SLC12A2: variants seen among roughly 807,000 people sequenced by gnomAD.
SLC12A2 encodes Na-K-2Cl cotransporter 1.
Under a neutral mutation model 136.3 loss-of-function variants are expected in SLC12A2, and 67 were observed. That is an observed-to-expected ratio of 0.49 (90% confidence interval 0.40 to 0.60). The LOEUF (loss-of-function observed/expected upper bound fraction) is 0.60, where lower values mean the gene tolerates loss of function less well. Among genes scored for constraint, SLC12A2 ranks in the 20% least tolerant of loss-of-function variants. The pLI, the probability that SLC12A2 is intolerant of heterozygous loss-of-function variation, is 0.00. For missense variants in SLC12A2, 1,322 were observed against 1,534.7 expected (o/e 0.86, Z 2.32); for synonymous variants, 619 against 562.9 (o/e 1.10, Z -1.41).
chr5:128,143,380 G>T (rs1427906558), intron 10 of SLC12A2, among the ~76,000 whole-genome samples: 2 of 152,130 alleles, frequency 1.3e-5, no homozygotes, highest in South Asian at 4.1e-4. Context: ...TTTAACAACA[G>T]AATTTAATTC....
chr5:128,153,478 C>T (rs1762772022), intron 15 of SLC12A2, among the ~76,000 whole-genome samples: 2 of 152,252 alleles, frequency 1.3e-5, no homozygotes, highest in South Asian at 4.1e-4. Flanking sequence ...TGGCTCGAAC[C>T]CAGGAGGCGG....
chr5:128,168,128 A>G, intron 18 of SLC12A2: 1 of 236,910 alleles, frequency 4.2e-6, no homozygotes, highest in East Asian at 8.8e-5. Flanking sequence ...GTATATATGT[A>G]TACACTCTGG....
At chr5:128,112,108 A>G (rs1021511839) in intron 1 of SLC12A2, among the ~76,000 whole-genome samples, 10 of 152,190 alleles carry the variant, frequency 6.6e-5, no homozygotes, top group African/African-American at 2.4e-4. Context: ...ATTGGGATAG[A>G]ACAAAACTCA....
chr5:128,094,454 T>C (rs910844665), intron 1 of SLC12A2, among the ~76,000 whole-genome samples: 2 of 151,998 alleles, frequency 1.3e-5, no homozygotes, highest in Non-Finnish European at 2.9e-5. Context: ...AGAGCTAGCA[T>C]TGGAAATTGG....
In SLC12A2 at chr5:128,085,117, G is replaced by C. The variant is rs190664287; in HGVS notation, c.756+407G>C. Among the ~76,000 whole-genome samples the C allele has an allele frequency of 4.3e-3, 660 of 151,964 alleles. 4 individuals are homozygous for C. The highest frequency in any genetic ancestry group is 0.017 in the Middle Eastern group (5 of 294). On this transcript the variant is annotated intron_variant, in intron 1 of 26. Coordinates refer to ENST00000262461, the MANE Select transcript of SLC12A2 (RefSeq NM_001046.3). ...ACCATCTGTGTCGTTTTGAAAGATT[G>C]TGTTGTGTGGCTTATGTACGCCTAT...
At chr5:128,108,452 A>T (rs1162785428) in intron 1 of SLC12A2, among the ~76,000 whole-genome samples, 1 of 152,272 alleles carries the variant, frequency 6.6e-6, no homozygotes, top group Non-Finnish European at 1.5e-5. Context: ...CATACTATGG[A>T]ATATTATCTG....
chr5:128,146,355 T>A (rs1762525870), intron 10 of SLC12A2, among the ~76,000 whole-genome samples: 1 of 151,776 alleles, frequency 6.6e-6, no homozygotes, highest in Non-Finnish European at 1.5e-5. Flanking sequence ...TGATCTAGGG[T>A]CACACATGGC....
At chr5:128,142,268 A>G (rs1762393333) in intron 10 of SLC12A2, among the ~76,000 whole-genome samples, 1 of 152,078 alleles carries the variant, frequency 6.6e-6, no homozygotes, top group Admixed American at 6.6e-5. Context: ...ACACCCGGCT[A>G]ATTTTTGTAT....
chr5:128,083,977 C>A lies in SLC12A2; in HGVS notation c.23C>A (p.Pro8His), dbSNP rs1262237079. 8.1e-7 allele frequency: 1 copy of A among 1,241,714 alleles called. No individual in the cohort carries two copies. The highest frequency in any genetic ancestry group is 1.0e-6 in the Non-Finnish European group (1 of 993,176). 76.9% of individuals were successfully genotyped at this position (1,241,714 alleles called of 1,614,324 possible). The change falls in exon 1 of 27, where the codon CCC becomes CAC. Residue 8 changes from proline (P) to histidine (H), a missense_variant. This residue lies in a region of SLC12A2 where 358 missense variants were observed against 299.7 expected (regional missense o/e 1.19). Transcript: ENST00000262461. ...GCTATGGAGCCGCGGCCCACGGCGC[C>A]CTCCTCCGGCGCCCCGGGACTGGCC... MEPRPTA[P>H]SSGAPGLAGV...
At chr5:128,097,411 A>G (rs1760584862) in intron 1 of SLC12A2, among the ~76,000 whole-genome samples, 1 of 152,038 alleles carries the variant, frequency 6.6e-6, no homozygotes, top group Non-Finnish European at 1.5e-5. Context: ...ATGTACCATA[A>G]CTTGCCATTT....
At position 128,161,766 on chromosome 5, in the gene SLC12A2, A is replaced by G; in HGVS notation, c.2582A>G (p.Asp861Gly). The G allele has an allele frequency of 6.6e-7, 1 of 1,504,214 alleles. No homozygotes were observed. The highest frequency in any genetic ancestry group is 8.9e-7 in the Non-Finnish European group (1 of 1,129,752). 93.2% of individuals were successfully genotyped at this position (1,504,214 alleles called of 1,614,324 possible). A position where few individuals can be genotyped will look rare whatever the true frequency, so the allele number is the denominator to read the frequency against. The change falls in exon 17 of 27, where the codon GAT (aspartate) becomes GGT (glycine). Residue 861 changes from aspartate to glycine, a missense_variant. Around this residue, in one of 8 missense-constraint regions of SLC12A2, gnomAD observed 226 missense variants for 210.4 expected, o/e 1.07. Coordinates refer to ENST00000262461, the MANE Select transcript of SLC12A2 (RefSeq NM_001046.3). ...GCATTTTATGCTCCAGTACATGCAG[A>G]TGACTTGAGAGAAGGTGCACAGTAT... ...MKAFYAPVHADDLREGAQYLM... is the reference protein window; with the variant it reads ...MKAFYAPVHAGDLREGAQYLM...
At chr5:128,114,833 T>C (rs979093562) in intron 4 of SLC12A2, 152 bp downstream of exon 4, 1 of 566,758 alleles carries the variant, frequency 1.8e-6, no homozygotes. Flanking sequence ...CAGACTAGTA[T>C]ATTTCAATGT....
At chr5:128,117,917 C>T (rs1761409023) in intron 4 of SLC12A2, among the ~76,000 whole-genome samples, 1 of 151,954 alleles carries the variant, frequency 6.6e-6, no homozygotes, top group Non-Finnish European at 1.5e-5. Context: ...CATGAATAGA[C>T]AATTCTCAAA....
At chr5:128,113,256 A>G (rs959608963) in intron 2 of SLC12A2, among the ~76,000 whole-genome samples, 2 of 152,220 alleles carry the variant, frequency 1.3e-5, no homozygotes, top group Non-Finnish European at 2.9e-5. Context: ...TATGAAGACT[A>G]TCAAATTGGG....
Position 128,186,891 on chromosome 5 carries a change from C to G in SLC12A2, c.*260C>G. On this transcript the variant is annotated 3_prime_UTR_variant, in exon 27 of 27. Coordinates refer to ENST00000262461, the MANE Select transcript of SLC12A2 (RefSeq NM_001046.3). ...TTGTGAGAGTAGTTTTCCTTTGCTA[C>G]TTGAATAGCAATAAAAGCGTGTTAA... is the stretch of plus-strand genomic sequence containing the variant. The G allele has an allele frequency of 3.1e-6, 1 of 320,678 alleles. No homozygotes were observed. 19.9% of individuals were successfully genotyped at this position (320,678 alleles called of 1,614,324 possible).
Position 128,180,914 on chromosome 5 carries a change from G to A in SLC12A2, c.3132G>A (p.Thr1044=), listed in dbSNP as rs371244344. 8.7e-6 allele frequency: 14 copies of A among 1,610,230 alleles called. No individual in the cohort carries two copies. The highest frequency in any genetic ancestry group is 3.3e-5 in the South Asian group (3 of 90,878). ...GLTLLIPYLL[T]TKKKWKDCKI... ...CCTTATTGATACCTTACCTTCTGAC[G>A]ACCAAGAAAAAATGGAAAGACTGTA... The change falls in exon 23 of 27, where the codon ACG becomes ACA. Residue 1044 remains threonine (T), a synonymous_variant. Transcript: ENST00000262461.
chr5:128,158,821 G>A (rs1347443687), intron 16 of SLC12A2, among the ~76,000 whole-genome samples: 1 of 150,822 alleles, frequency 6.6e-6, no homozygotes, highest in Non-Finnish European at 1.5e-5. Context: ...CCCACCAGCA[G>A]TGTATAAGTG....
At chr5:128,159,526 A>G (rs1303933697) in intron 16 of SLC12A2, among the ~76,000 whole-genome samples, 3 of 152,242 alleles carry the variant, frequency 2.0e-5, no homozygotes, top group African/African-American at 4.8e-5. Flanking sequence ...GCAAATATCC[A>G]GAATCTACAA....
rs575860832 is a variant in SLC12A2 at position 128,092,035 on chromosome 5, G to C, written c.756+7325G>C. Among the ~76,000 whole-genome samples the C allele has an allele frequency of 2.6e-5, 4 of 152,248 alleles. No homozygotes were observed. In the East Asian group the frequency reaches 7.7e-4, roughly 29 times the overall value. ...GAGACTTTTGCAAGGGAGCGTAGGTGGTTTGGCAGGGCAGGCTTGAGTATT... is the reference window on the plus strand; with the variant it reads ...GAGACTTTTGCAAGGGAGCGTAGGTCGTTTGGCAGGGCAGGCTTGAGTATT... On this transcript the variant is annotated intron_variant, in intron 1 of 26. Coordinates refer to ENST00000262461, the MANE Select transcript of SLC12A2 (RefSeq NM_001046.3).
Sources: allele counts gnomAD v4.1 joint callset (sites outside exome capture counted in the v4.1 genomes callset), GRCh38; gene constraint gnomAD v4.1.1; regional missense constraint gnomAD v4.1.1; transcripts MANE v1.5; gene names NCBI Gene and HGNC (gene_info 2026-07-23, HGNC 2026-07-21).